The following NKAIN2 variants were observed in gnomAD, a reference collection of about 807,000 sequenced individuals.
NKAIN2 encodes sodium/potassium-transporting ATPase subunit beta-1-interacting protein 2.
In NKAIN2, 14 loss-of-function variants were observed where a neutral mutation model predicts 32.6. That is an observed-to-expected ratio of 0.43 (90% CI 0.28 to 0.67). The LOEUF (loss-of-function observed/expected upper bound fraction) is 0.67, where lower values mean the gene tolerates loss of function less well. Ranked by LOEUF, NKAIN2 falls within the 30% of genes least tolerant of loss-of-function variation. The pLI, the probability that NKAIN2 is intolerant of heterozygous loss-of-function variation, is 0.17. For synonymous variants in NKAIN2, 80 were observed against 87.2 expected (o/e 0.92, Z 0.46); for missense variants, 198 against 258.3 (o/e 0.77, Z 1.60).
At chr6:124,093,789 G>A (rs2114933248) in intron 1 of NKAIN2, among the ~76,000 whole-genome samples, 1 of 152,206 alleles carries the variant, frequency 6.6e-6, no homozygotes, top group Middle Eastern at 3.4e-3. Context: ...CAGTTAAGAT[G>A]AGAACACCTG....
chr6:124,046,711 C>A (rs142113662), intron 1 of NKAIN2, among the ~76,000 whole-genome samples: 1 of 152,028 alleles, frequency 6.6e-6, no homozygotes, highest in African/African-American at 2.4e-5. Flanking sequence ...ACATTGAGTT[C>A]TAGGGTCTTC....
chr6:123,825,969 G>A (rs4144572), intron 1 of NKAIN2, among the ~76,000 whole-genome samples: 18,287 of 152,152 alleles, frequency 0.12, 1,887 homozygotes, highest in East Asian at 0.56. Flanking sequence ...GATAGTTACT[G>A]TTTTGTATTA....
rs186773626 is a variant in NKAIN2 at position 124,048,986 on chromosome 6, T to G, written c.55-234019T>G. Among the ~76,000 whole-genome samples the G allele has an allele frequency of 3.9e-5, 6 of 152,190 alleles. No homozygotes were observed. The East Asian group carries it at 1.2e-3, about 30-fold the overall frequency. On this transcript the variant is annotated intron_variant, in intron 1 of 6. Coordinates refer to ENST00000368417, the MANE Select transcript of NKAIN2 (RefSeq NM_001040214.3). The stretch of plus-strand genomic sequence containing the variant: ...AGTACGTAGAATCAGTTTGAAAACA[T>G]ACTTTCTGTAGTGCTTATTGTTTAG...
At chr6:124,065,335 C>T (rs1783116084) in intron 1 of NKAIN2, among the ~76,000 whole-genome samples, 1 of 152,076 alleles carries the variant, frequency 6.6e-6, no homozygotes, top group Non-Finnish European at 1.5e-5. Flanking sequence ...GCACGCACTG[C>T]AGTTCCCGCT....
intron 1 of NKAIN2, among the ~76,000 whole-genome samples, chr6:124,087,692 AAGG>A (rs1444371094): frequency 1.3e-5 from 2 of 151,956 alleles, no homozygotes; most frequent in Non-Finnish European, 2.9e-5. Flanking sequence ...GTCTATTAAA[AAGG>A]AGAAAATTCA....
intron 4 of NKAIN2, among the ~76,000 whole-genome samples, chr6:124,687,460 A>T (rs1774001271): frequency 7.2e-6 from 1 of 139,416 alleles, no homozygotes; most frequent in Non-Finnish European, 1.5e-5. Context: ...TATATTCCAT[A>T]TATACACATA....
chr6:124,221,206 C>T (rs1350702194), intron 1 of NKAIN2, among the ~76,000 whole-genome samples: 2 of 151,778 alleles, frequency 1.3e-5, no homozygotes, highest in Non-Finnish European at 2.9e-5. Flanking sequence ...CACATATACA[C>T]CATGGAATAC....
At chr6:124,252,644 C>G (rs1793738915) in intron 1 of NKAIN2, among the ~76,000 whole-genome samples, 1 of 152,072 alleles carries the variant, frequency 6.6e-6, no homozygotes, top group Non-Finnish European at 1.5e-5. Flanking sequence ...GACAATTAGA[C>G]ATTAGTTAAA....
At chr6:124,097,272 C>A (rs234473) in intron 1 of NKAIN2, among the ~76,000 whole-genome samples, 4 of 151,616 alleles carry the variant, frequency 2.6e-5, no homozygotes, top group African/African-American at 9.7e-5. Context: ...TGGTGGCGGG[C>A]GCCTGTAGTC....
At chr6:123,806,143 G>A (rs1400271816) in intron 1 of NKAIN2, among the ~76,000 whole-genome samples, 6 of 152,070 alleles carry the variant, frequency 3.9e-5, no homozygotes, top group Admixed American at 1.3e-4. Context: ...ACATACAATG[G>A]TGTCTTGGAG....
intron 2 of NKAIN2, among the ~76,000 whole-genome samples, chr6:124,305,899 A>G (rs1378065768): frequency 6.6e-6 from 1 of 151,720 alleles, no homozygotes; most frequent in Non-Finnish European, 1.5e-5. Context: ...TCCCTTTCTT[A>G]TTTCCTAATT....
chr6:124,193,579 T>G (rs1790139201), intron 1 of NKAIN2, among the ~76,000 whole-genome samples: 1 of 152,170 alleles, frequency 6.6e-6, no homozygotes. Flanking sequence ...CCGCAGCTCT[T>G]CTCTCCTTGT....
rs542461112 is a variant in NKAIN2, at chr6:124,817,108, C to T, written c.536-1279C>T. Among the ~76,000 whole-genome samples the T allele has an allele frequency of 3.3e-5, 5 of 152,264 alleles. No individual in the cohort carries two copies. The East Asian group carries it at 9.7e-4, about 30-fold the overall frequency. ...AGATTCCAAGACTGAGCTGACTCAA[C>T]AGTGAGGGTCTAGAATCATTTAAGG... On this transcript the variant is annotated intron_variant, in intron 5 of 6. Coordinates refer to ENST00000368417, the MANE Select transcript of NKAIN2 (RefSeq NM_001040214.3).
At chr6:124,509,619 T>C (rs1336537602) in intron 3 of NKAIN2, among the ~76,000 whole-genome samples, 1 of 152,232 alleles carries the variant, frequency 6.6e-6, no homozygotes, top group Non-Finnish European at 1.5e-5. Flanking sequence ...AATTGCTGCA[T>C]TTATGCAAAT....
At chr6:124,193,739 G>A (rs1338518139) in intron 1 of NKAIN2, among the ~76,000 whole-genome samples, 1 of 152,032 alleles carries the variant, frequency 6.6e-6, no homozygotes, top group Non-Finnish European at 1.5e-5. Flanking sequence ...AGGAGAAGAG[G>A]AGCTTTACTG....
At chr6:123,887,481 G>C (rs913849593) in intron 1 of NKAIN2, among the ~76,000 whole-genome samples, 2 of 152,114 alleles carry the variant, frequency 1.3e-5, no homozygotes, top group Admixed American at 6.6e-5. Flanking sequence ...GTGGCAAGCT[G>C]TATCAATTAA....
intron 3 of NKAIN2, among the ~76,000 whole-genome samples, chr6:124,493,956 T>C (rs1777970878): frequency 6.6e-6 from 1 of 151,958 alleles, no homozygotes; most frequent in African/African-American, 2.4e-5. Context: ...TTTCTATAAT[T>C]TTTCTCATTG....
chr6:123,848,925 G>A (rs1022539904), intron 1 of NKAIN2, among the ~76,000 whole-genome samples: 1 of 152,210 alleles, frequency 6.6e-6, no homozygotes, highest in Non-Finnish European at 1.5e-5. Context: ...CTAGGACTTA[G>A]TGATATTTCT....
chr6:124,569,283 G>T (rs1243989387), intron 3 of NKAIN2, among the ~76,000 whole-genome samples: 3 of 152,134 alleles, frequency 2.0e-5, no homozygotes, highest in Non-Finnish European at 4.4e-5. Context: ...GCCATCTGAT[G>T]CCACCTCTCA....
Sources: allele counts gnomAD v4.1 joint callset (sites outside exome capture counted in the v4.1 genomes callset), GRCh38; gene constraint gnomAD v4.1.1; transcripts MANE v1.5; gene names NCBI Gene and HGNC (gene_info 2026-07-23, HGNC 2026-07-21).